The following ABTB3 variants were observed in gnomAD, a reference collection of about 807,000 sequenced individuals.
The protein encoded by ABTB3 is ankyrin repeat- and BTB/POZ domain-containing protein 3.
the ABTB3 span, among the ~76,000 whole-genome samples, chr12:107,351,479 A>G: frequency 3.7e-3 from 571 of 152,286 alleles, 15 homozygotes; most frequent in East Asian, 7.1e-3. Flanking sequence ...ATTTGAATGC[A>G]TCCCCCAAGG....
the ABTB3 span, among the ~76,000 whole-genome samples, chr12:107,424,762 C>T: frequency 1.3e-5 from 2 of 152,190 alleles, no homozygotes; most frequent in East Asian, 1.9e-4. Flanking sequence ...ACCCTCAGAA[C>T]CCTAAAACCT....
chr12:107,425,987 G>C, the ABTB3 span, among the ~76,000 whole-genome samples: 1 of 152,344 alleles, frequency 6.6e-6, no homozygotes, highest in African/African-American at 2.4e-5. Flanking sequence ...CTGTTCTGCG[G>C]CTACAGAAGG....
the ABTB3 span, among the ~76,000 whole-genome samples, chr12:107,566,565 A>G: frequency 6.6e-6 from 1 of 152,016 alleles, no homozygotes; most frequent in Non-Finnish European, 1.5e-5. Context: ...CTGCAATTTA[A>G]CACAAAATTT....
At chr12:107,554,344 C>A in the ABTB3 span, among the ~76,000 whole-genome samples, 5,357 of 147,840 alleles carry the variant, frequency 0.036, 318 homozygotes, top group African/African-American at 0.13. Context: ...AAGAATAGTT[C>A]TAGATTTTTT....
chr12:107,538,218 G>A, the ABTB3 span, among the ~76,000 whole-genome samples: 1 of 152,262 alleles, frequency 6.6e-6, no homozygotes, highest in Admixed American at 6.5e-5. Flanking sequence ...ACAGGGCAGC[G>A]TGGTGTGGGG....
chr12:107,559,519 A>G, the ABTB3 span, among the ~76,000 whole-genome samples: 4 of 152,218 alleles, frequency 2.6e-5, no homozygotes, highest in Admixed American at 6.5e-5. Context: ...GCACTGTCTG[A>G]GCTCATCCCA....
At chr12:107,391,786 G>A in the ABTB3 span, among the ~76,000 whole-genome samples, 2,428 of 152,246 alleles carry the variant, frequency 0.016, 60 homozygotes, top group African/African-American at 0.054. Flanking sequence ...AAGGTTCAGG[G>A]CTCTGCTTCA....
chr12:107,524,777 C>T, the ABTB3 span, among the ~76,000 whole-genome samples: 8 of 152,302 alleles, frequency 5.3e-5, no homozygotes, highest in East Asian at 1.5e-3. Context: ...CCAGGGAAGT[C>T]CAGAAGATAT....
At chr12:107,520,194 C>A in the ABTB3 span, 1 of 985,192 alleles carries the variant, frequency 1.0e-6, no homozygotes, top group Non-Finnish European at 1.2e-6. Context: ...TGGATAGCAA[C>A]CCTTCCAGGC....
the ABTB3 span, among the ~76,000 whole-genome samples, chr12:107,519,147 A>T: frequency 6.6e-6 from 1 of 152,134 alleles, no homozygotes; most frequent in Non-Finnish European, 1.5e-5. Context: ...ATACCAAATA[A>T]GCATATGTCT....
the ABTB3 span, among the ~76,000 whole-genome samples, chr12:107,508,438 C>CTTTTTTTTTT: frequency 6.2e-3 from 426 of 69,132 alleles, 66 homozygotes; most frequent in Non-Finnish European, 8.2e-3. Flanking sequence ...AAGATCATTT[C>CTTTTTTTTTT]TTTTTTTTTT....
the ABTB3 span, among the ~76,000 whole-genome samples, chr12:107,506,152 G>A: frequency 1.4e-3 from 210 of 152,282 alleles, no homozygotes; most frequent in Non-Finnish European, 2.3e-3. Flanking sequence ...CCCACCAATA[G>A]TGTATATGCA....
chr12:107,499,362 C>CTGTG, the ABTB3 span, among the ~76,000 whole-genome samples: 1,709 of 149,664 alleles, frequency 0.011, 33 homozygotes, highest in African/African-American at 0.039. Context: ...AAGAGGGAAG[C>CTGTG]TGTGTGTGTG....
the ABTB3 span, chr12:107,580,925 A>G: frequency 1.0e-5 from 16 of 1,551,532 alleles, no homozygotes; most frequent in Non-Finnish European, 1.1e-5. Flanking sequence ...ACTGAGGCCC[A>G]AGGATTCCAG....
At chr12:107,633,028 A>C in the ABTB3 span, among the ~76,000 whole-genome samples, 4 of 152,096 alleles carry the variant, frequency 2.6e-5, no homozygotes, top group African/African-American at 7.2e-5. Context: ...TTAAGGGCTC[A>C]TGTGATTACT....
chr12:107,398,769 C>T, the ABTB3 span, among the ~76,000 whole-genome samples: 1 of 152,154 alleles, frequency 6.6e-6, no homozygotes, highest in South Asian at 2.1e-4. Flanking sequence ...CTACACAAGA[C>T]TTATTTAACA....
the ABTB3 span, among the ~76,000 whole-genome samples, chr12:107,464,969 C>T: frequency 6.6e-6 from 1 of 151,974 alleles, no homozygotes; most frequent in South Asian, 2.1e-4. Context: ...CACACACACA[C>T]ACACACACCC....
chr12:107,553,351 C>G, the ABTB3 span, among the ~76,000 whole-genome samples: 1 of 152,322 alleles, frequency 6.6e-6, no homozygotes, highest in African/African-American at 2.4e-5. Context: ...AGCCTTACCT[C>G]TTCCCATTTT....
the ABTB3 span, among the ~76,000 whole-genome samples, chr12:107,443,819 C>T: frequency 6.6e-6 from 1 of 152,208 alleles, no homozygotes; most frequent in Admixed American, 6.5e-5. Flanking sequence ...GGTCGGGACA[C>T]TGGATGGCTG....
Sources: gnomAD v4.1 joint callset for allele counts (sites outside exome capture counted in the v4.1 genomes callset) on GRCh38, gnomAD v4.1.1 for gene constraint, MANE v1.5 for transcripts, NCBI Gene and HGNC (gene_info 2026-07-23, HGNC 2026-07-21) for gene names.